The following VAPB variants were observed in gnomAD, a reference collection of about 807,000 sequenced individuals.
VAPB encodes VAMP associated protein B and C, also known as vesicle-associated membrane protein-associated protein B/C.
In VAPB, 7 loss-of-function variants were observed where a neutral mutation model predicts 25.6. The ratio of observed to expected loss-of-function variants is 0.27; its 90% confidence interval spans 0.16 to 0.51. The LOEUF (loss-of-function observed/expected upper bound fraction) is 0.51, where lower values mean the gene tolerates loss of function less well. Ranked by LOEUF, VAPB falls within the 20% of genes least tolerant of loss-of-function variation. The pLI is 0.97. For missense variants in VAPB, 266 were observed against 301.3 expected (o/e 0.88, Z 0.87); for synonymous variants, 112 against 109.2 (o/e 1.03, Z -0.16).
At chr20:58,423,435 A>AAAAAAAAAAAAAAAAAAAAAAAAAAAAC in intron 2 of VAPB, among the ~76,000 whole-genome samples, 1 of 148,954 alleles carries the variant, frequency 6.7e-6, no homozygotes, top group Non-Finnish European at 1.5e-5. Context: ...AAAAAAAAAA[A>AAAAAAAAAAAAAAAAAAAAAAAAAAAAC]AAAAAAAAAA....
At position 58,446,954 on chromosome 20, in the gene VAPB, C is replaced by A. The variant is rs1238398469; in HGVS notation, c.*2719C>A. 1 of 454,108 alleles carries A rather than the reference C, an allele frequency of 2.2e-6. No homozygotes were observed. The highest frequency in any genetic ancestry group is 2.3e-5 in the Admixed American group (1 of 42,574). The allele number at this position is 454,108 out of a possible 1,614,324, so 28.1% of individuals were successfully genotyped here. On this transcript the variant is annotated 3_prime_UTR_variant, in exon 6 of 6. Coordinates refer to ENST00000475243, the MANE Select transcript of VAPB (RefSeq NM_004738.5). ...GAGGAGGTGAATATGGGGCCTGTCA[C>A]AACGGCCTGCCCTGCCCCAAGAGGG...
intron 1 of VAPB, among the ~76,000 whole-genome samples, chr20:58,399,965 C>A (rs980205889): frequency 6.6e-6 from 1 of 152,102 alleles, no homozygotes; most frequent in African/African-American, 2.4e-5. Context: ...AGTTCCATCA[C>A]TCAGCATTTA....
Position 58,448,615 on chromosome 20 carries a change from G to A in VAPB, c.*4380G>A, listed in dbSNP as rs769965657. The A allele has an allele frequency of 4.4e-6, 2 of 454,002 alleles. No individual in the cohort carries two copies. The highest frequency in any genetic ancestry group is 3.1e-5 in the South Asian group (2 of 64,486). 28.1% of individuals were successfully genotyped at this position (454,002 alleles called of 1,614,324 possible). On this transcript the variant is annotated 3_prime_UTR_variant, in exon 6 of 6. Transcript: ENST00000475243. Reference sequence around the variant, plus strand: ...AGCTCTGAAAATCTGCTTCAGGGAAGTGAGTGGATGAGGCCTTCCTGCCTC... The same window carrying A: ...AGCTCTGAAAATCTGCTTCAGGGAAATGAGTGGATGAGGCCTTCCTGCCTC...
intron 1 of VAPB, among the ~76,000 whole-genome samples, chr20:58,396,782 A>C (rs1477499641): frequency 6.6e-6 from 1 of 152,252 alleles, no homozygotes; most frequent in Admixed American, 6.5e-5. Context: ...TCCAGAAGAT[A>C]GGCCACACAG....
intron 4 of VAPB, chr20:58,439,297 G>T: frequency 2.2e-6 from 1 of 460,260 alleles, no homozygotes; most frequent in South Asian, 2.3e-5. Context: ...GAGCTTCTGT[G>T]GCCTGGCAAA....
chr20:58,446,136 C>T lies in VAPB; in HGVS notation c.*1901C>T. 1 of 454,096 alleles carries T rather than the reference C, an allele frequency of 2.2e-6. No individual in the cohort carries two copies. Among genetic ancestry groups the T allele is most frequent in the Non-Finnish European group, 4.4e-6 (1 of 226,788 alleles). 28.1% of individuals were successfully genotyped at this position (454,096 alleles called of 1,614,324 possible). On this transcript the variant is annotated 3_prime_UTR_variant, in exon 6 of 6. Transcript: ENST00000475243. ...TGAACAGACTTAGTTGTTACCCAGG[C>T]ACCCATGGATTGTGTTGAGTGTGCA...
chr20:58,439,548 C>G (rs993810801), intron 4 of VAPB: 1 of 180,566 alleles, frequency 5.5e-6, no homozygotes, highest in Non-Finnish European at 1.2e-5. Flanking sequence ...GTGGAGGTTG[C>G]CCTGTGTACT....
chr20:58,436,627 G>C (rs1208656499), intron 3 of VAPB, among the ~76,000 whole-genome samples: 1 of 152,032 alleles, frequency 6.6e-6, no homozygotes, highest in African/African-American at 2.4e-5. Flanking sequence ...GCCCCAGCCT[G>C]CTTTTTCTTT....
At chr20:58,438,922 T>A (rs1480268757) in intron 3 of VAPB, 23 bp from the exon 4 acceptor site, 1 of 1,592,664 alleles carries the variant, frequency 6.3e-7, no homozygotes, top group Non-Finnish European at 8.6e-7. Context: ...AATATCTTGA[T>A]TATTAAATTT....
chr20:58,419,576 T>C (rs6026257), intron 2 of VAPB, among the ~76,000 whole-genome samples: 3,512 of 152,284 alleles, frequency 0.023, 120 homozygotes, highest in African/African-American at 0.076. Context: ...AGTAGACTGG[T>C]GGTCATAGCA....
intron 1 of VAPB, among the ~76,000 whole-genome samples, chr20:58,413,508 A>C (rs1988432105): frequency 6.6e-6 from 1 of 152,204 alleles, no homozygotes. Context: ...AAGTTTTCTT[A>C]GTACAGAACA....
In VAPB at chr20:58,450,571, T is replaced by C. The variant is rs1568727349; in HGVS notation, c.*6336T>C. ...TTCCTATAAGAAACTAAAAATGATCTATTTCAGTGTTCCTTTCGCCTTTCC... is the reference window on the plus strand; with the variant it reads ...TTCCTATAAGAAACTAAAAATGATCCATTTCAGTGTTCCTTTCGCCTTTCC... On this transcript the variant is annotated 3_prime_UTR_variant, in exon 6 of 6. Coordinates refer to ENST00000475243, the MANE Select transcript of VAPB (RefSeq NM_004738.5). 2.2e-6 allele frequency: 1 copy of C among 454,120 alleles called. No individual in the cohort carries two copies. Among genetic ancestry groups the C allele is most frequent in the African/African-American group, 2.0e-5 (1 of 50,126 alleles). 28.1% of individuals were successfully genotyped at this position (454,120 alleles called of 1,614,324 possible). A position where few individuals can be genotyped will look rare whatever the true frequency, so the allele number is the denominator to read the frequency against.
intron 1 of VAPB, 108 bp downstream of exon 1, chr20:58,389,625 C>T: frequency 8.1e-7 from 1 of 1,228,500 alleles, no homozygotes; most frequent in Non-Finnish European, 1.1e-6. Flanking sequence ...ACCCCGACGG[C>T]GCTGTCGCGG....
At chr20:58,391,696 C>T (rs1173104742) in intron 1 of VAPB, among the ~76,000 whole-genome samples, 2 of 152,252 alleles carry the variant, frequency 1.3e-5, no homozygotes, top group African/African-American at 4.8e-5. Context: ...CTACGCCTGG[C>T]TAAATTTTGT....
chr20:58,389,636 G>A (rs964218660), intron 1 of VAPB, 119 bp downstream of exon 1: 390 of 1,115,254 alleles, frequency 3.5e-4, no homozygotes, highest in Non-Finnish European at 4.2e-4. Context: ...GCTGTCGCGG[G>A]GGGCGGCGAG....
chr20:58,394,002 G>A (rs1310829296), intron 1 of VAPB, among the ~76,000 whole-genome samples: 1 of 152,218 alleles, frequency 6.6e-6, no homozygotes, highest in African/African-American at 2.4e-5. Context: ...AAAGTGCTGG[G>A]ATGATAGGTG....
chr20:58,395,446 G>A (rs2123018186), intron 1 of VAPB, among the ~76,000 whole-genome samples: 1 of 152,256 alleles, frequency 6.6e-6, no homozygotes, highest in Admixed American at 6.5e-5. Flanking sequence ...TCTGCGCCAG[G>A]CCAAGAGTGT....
intron 1 of VAPB, among the ~76,000 whole-genome samples, chr20:58,412,822 T>C (rs1011196915): frequency 2.6e-5 from 4 of 152,200 alleles, no homozygotes; most frequent in Non-Finnish European, 4.4e-5. Context: ...TTTTCTTCCA[T>C]GGCTCTTGAA....
In VAPB at chr20:58,442,441, A is replaced by G. The variant is rs573360646; in HGVS notation, c.573+1358A>G. On this transcript the variant is annotated intron_variant, in intron 5 of 5. Transcript: ENST00000475243. ...GCTTCTATATAACCTAATAAAATAA[A>G]TGGTTTAGTTTGCCGGGTTTTTTTT... Among the ~76,000 whole-genome samples, 54 of 152,314 alleles carry G rather than the reference A, an allele frequency of 3.5e-4. 1 individual carries two copies. In the South Asian group the frequency reaches 0.01, roughly 29 times the overall value.
Sources: gnomAD v4.1 joint callset for allele counts (sites outside exome capture counted in the v4.1 genomes callset) on GRCh38, gnomAD v4.1.1 for gene constraint, MANE v1.5 for transcripts, NCBI Gene and HGNC (gene_info 2026-07-23, HGNC 2026-07-21) for gene names.